COL23A1: variants seen among roughly 807,000 people sequenced by gnomAD.
The protein encoded by COL23A1 is collagen type XXIII alpha 1 chain, also known as collagen alpha-1(XXIII) chain.
Under a neutral mutation model 99.3 loss-of-function variants are expected in COL23A1, and 97 were observed. That is an observed-to-expected ratio of 0.98 (90% CI 0.83 to 1.16). The LOEUF is 1.16. Ranked by LOEUF, COL23A1 falls within the 50% of genes most tolerant of loss-of-function variation. The probability of loss-of-function intolerance (pLI) is 0.00; values close to 1 mark genes in which losing one functional copy is unlikely to be tolerated. For synonymous variants in COL23A1, 320 were observed against 308.2 expected (o/e 1.04, Z -0.40); for missense variants, 762 against 757.4 (o/e 1.01, Z -0.07).
chr5:178,456,083 T>C (rs553123795), intron 2 of COL23A1, among the ~76,000 whole-genome samples: 4 of 152,298 alleles, frequency 2.6e-5, no homozygotes, highest in South Asian at 2.1e-4. Context: ...TCGGGTACAA[T>C]AGGAGAGAAA....
intron 2 of COL23A1, among the ~76,000 whole-genome samples, chr5:178,394,593 G>T (rs1212237967): frequency 6.6e-6 from 1 of 152,194 alleles, no homozygotes; most frequent in Non-Finnish European, 1.5e-5. Context: ...CACATCTTTG[G>T]GTAAACTGAA....
At chr5:178,432,956 T>C (rs1432160912) in intron 2 of COL23A1, among the ~76,000 whole-genome samples, 1 of 152,108 alleles carries the variant, frequency 6.6e-6, no homozygotes, top group African/African-American at 2.4e-5. Flanking sequence ...ACCACACCCC[T>C]TACTACTGGT....
At chr5:178,338,002 G>A (rs1198311673) in intron 2 of COL23A1, among the ~76,000 whole-genome samples, 2 of 152,138 alleles carry the variant, frequency 1.3e-5, no homozygotes, top group African/African-American at 2.4e-5. Flanking sequence ...TGACAACTCC[G>A]TGAAGTGGCA....
intron 2 of COL23A1, among the ~76,000 whole-genome samples, chr5:178,539,562 A>AAG (rs1761173980): frequency 6.6e-6 from 1 of 150,768 alleles, no homozygotes; most frequent in African/African-American, 2.4e-5. Context: ...AAAAAAAAAA[A>AAG]AAAAAAGAAA....
chr5:178,536,998 A>G (rs1761001611), intron 2 of COL23A1, among the ~76,000 whole-genome samples: 1 of 152,162 alleles, frequency 6.6e-6, no homozygotes, highest in African/African-American at 2.4e-5. Flanking sequence ...CTCACCGCCG[A>G]CGGCTGCTCC....
chr5:178,340,005 C>T lies in COL23A1; in HGVS notation c.362-33086G>A, dbSNP rs751357532. On this transcript the variant is annotated intron_variant, in intron 2 of 28. Transcript: ENST00000390654. This position sits in a 1 kb window ranked among gnomAD's most constrained non-coding sequence, Gnocchi z 4.7. ...ATTAGGTGGTGGGATGGGTGGGTGG[C>T]GGGTGGCTGTTGGGGGATGAAGAGA... Among the ~76,000 whole-genome samples the T allele has an allele frequency of 6.6e-6, 1 of 151,640 alleles. No individual in the cohort carries two copies. Among genetic ancestry groups the T allele is most frequent in the South Asian group, 2.1e-4 (1 of 4,768 alleles).
intron 2 of COL23A1, among the ~76,000 whole-genome samples, chr5:178,543,567 C>T (rs1421532510): frequency 6.6e-6 from 1 of 152,112 alleles, no homozygotes; most frequent in Middle Eastern, 3.4e-3. Context: ...GGAGTGAGCC[C>T]CGGGGGATTG....
At chr5:178,523,150 A>G (rs1225820863) in intron 2 of COL23A1, among the ~76,000 whole-genome samples, 17 of 93,120 alleles carry the variant, frequency 1.8e-4, no homozygotes, top group Middle Eastern at 5.1e-3. Flanking sequence ...AAAAATATAT[A>G]TATATATATA....
At chr5:178,550,834 C>G (rs1413135651) in intron 2 of COL23A1, among the ~76,000 whole-genome samples, 1 of 152,192 alleles carries the variant, frequency 6.6e-6, no homozygotes, top group Non-Finnish European at 1.5e-5. Flanking sequence ...GGGGTCAAGA[C>G]AGCTCTGGTC....
At chr5:178,257,373 C>T in intron 13 of COL23A1, 150 bp downstream of exon 13, 2 of 850,982 alleles carry the variant, frequency 2.4e-6, no homozygotes, top group South Asian at 1.5e-5. Context: ...TGTGGTGGGG[C>T]CGCGGCCTTC....
chr5:178,524,519 T>A (rs974124984), intron 2 of COL23A1, among the ~76,000 whole-genome samples: 1 of 152,068 alleles, frequency 6.6e-6, no homozygotes, highest in African/African-American at 2.4e-5. Context: ...GGGGGATGGA[T>A]GTATCCAGAA....
At chr5:178,437,090 G>T (rs1766601937) in intron 2 of COL23A1, among the ~76,000 whole-genome samples, 1 of 152,132 alleles carries the variant, frequency 6.6e-6, no homozygotes, top group Admixed American at 6.5e-5. Context: ...CACCTCAGTG[G>T]AGTATAATCT....
intron 2 of COL23A1, among the ~76,000 whole-genome samples, chr5:178,484,192 G>C (rs1190311587): frequency 1.3e-5 from 2 of 152,118 alleles, no homozygotes; most frequent in African/African-American, 2.4e-5. Flanking sequence ...CCAAAGTGCT[G>C]GGATTACAGG....
At chr5:178,249,332 C>A in intron 18 of COL23A1, 126 bp from the exon 19 acceptor site, 1 of 902,104 alleles carries the variant, frequency 1.1e-6, no homozygotes, top group Non-Finnish European at 1.8e-6. Context: ...CCACCTCCAG[C>A]CACAGTGGCT....
chr5:178,503,094 A>C (rs1010677096), intron 2 of COL23A1, among the ~76,000 whole-genome samples: 1 of 152,214 alleles, frequency 6.6e-6, no homozygotes, highest in Non-Finnish European at 1.5e-5. Context: ...TAAAAACGTC[A>C]ATGCTGGCCA....
At chr5:178,429,259 G>A (rs556626974) in intron 2 of COL23A1, among the ~76,000 whole-genome samples, 12 of 152,136 alleles carry the variant, frequency 7.9e-5, no homozygotes, top group Non-Finnish European at 1.3e-4. Context: ...CACCAGGCCC[G>A]TCTACCTCAA....
intron 2 of COL23A1, among the ~76,000 whole-genome samples, chr5:178,547,281 G>A (rs1240577575): frequency 6.6e-6 from 1 of 151,940 alleles, no homozygotes; most frequent in Non-Finnish European, 1.5e-5. Flanking sequence ...CAGCAGAGCC[G>A]AGCCCTGGCC....
intron 2 of COL23A1, among the ~76,000 whole-genome samples, chr5:178,498,341 A>G (rs1048607509): frequency 1.3e-5 from 2 of 150,566 alleles, no homozygotes; most frequent in Non-Finnish European, 3.0e-5. Context: ...TAGAATGACA[A>G]CAGATTTATC....
At chr5:178,357,618 T>A (rs1293053862) in intron 2 of COL23A1, among the ~76,000 whole-genome samples, 4 of 152,260 alleles carry the variant, frequency 2.6e-5, no homozygotes, top group Non-Finnish European at 5.9e-5. Context: ...GTATCACCCT[T>A]GCTTTCACAT....
Sources: gnomAD v4.1 joint callset for allele counts (sites outside exome capture counted in the v4.1 genomes callset) on GRCh38, gnomAD v4.1.1 for gene constraint, Gnocchi (gnomAD v3.1) non-coding constraint, MANE v1.5 for transcripts, NCBI Gene and HGNC (gene_info 2026-07-23, HGNC 2026-07-21) for gene names.